CABIN1: variants seen among roughly 807,000 people sequenced by gnomAD.
CABIN1 encodes calcineurin-binding protein cabin-1.
In CABIN1, 133 loss-of-function variants were observed where a neutral mutation model predicts 227.7. The observed-to-expected ratio is 0.58, with a 90% CI of 0.51 to 0.67. The LOEUF (loss-of-function observed/expected upper bound fraction) is 0.67, where lower values mean the gene tolerates loss of function less well. Ranked by LOEUF, CABIN1 falls within the 30% of genes least tolerant of loss-of-function variation. The probability of loss-of-function intolerance (pLI) is 0.00; values close to 1 mark genes in which losing one functional copy is unlikely to be tolerated. For synonymous variants in CABIN1, 1,086 were observed against 1,155.1 expected (o/e 0.94, Z 1.21); for missense variants, 2,408 against 2,852.5 (o/e 0.84, Z 3.55).
chr22:24,131,390 G>T (rs959068646), intron 28 of CABIN1, among the ~76,000 whole-genome samples: 7 of 152,186 alleles, frequency 4.6e-5, no homozygotes, highest in Non-Finnish European at 8.8e-5. Flanking sequence ...TGGAGGAGTG[G>T]TCTGCCACAG....
At chr22:24,047,001 G>T (rs539659064) in intron 6 of CABIN1, among the ~76,000 whole-genome samples, 1 of 152,124 alleles carries the variant, frequency 6.6e-6, no homozygotes, top group Non-Finnish European at 1.5e-5. Context: ...CAACTGATTG[G>T]ATGAGGCCCC....
intron 26 of CABIN1, among the ~76,000 whole-genome samples, chr22:24,099,445 T>A (rs2147420069): frequency 6.6e-6 from 1 of 152,268 alleles, no homozygotes; most frequent in East Asian, 1.9e-4. Context: ...TCTTACCTCC[T>A]GGAAGGTTCA....
At chr22:24,120,941 AC>A (rs1440565234) in intron 28 of CABIN1, among the ~76,000 whole-genome samples, 1 of 152,186 alleles carries the variant, frequency 6.6e-6, no homozygotes, top group Non-Finnish European at 1.5e-5. Context: ...CTGCAAAGAC[AC>A]CTTTTGTGCT....
intron 29 of CABIN1, among the ~76,000 whole-genome samples, chr22:24,143,678 T>G (rs1375349452): frequency 6.6e-6 from 1 of 152,072 alleles, no homozygotes; most frequent in Non-Finnish European, 1.5e-5. Flanking sequence ...GGACCAGCAC[T>G]TATTGGGGGC....
intron 34 of CABIN1, 106 bp downstream of exon 34, chr22:24,172,101 C>A (rs958623586): frequency 2.2e-6 from 3 of 1,356,560 alleles, no homozygotes; most frequent in Non-Finnish European, 3.0e-6. Flanking sequence ...AGTGCCCTCC[C>A]GCCCAGTCGA....
chr22:24,038,776 C>T (rs1428029899), intron 4 of CABIN1, among the ~76,000 whole-genome samples: 3 of 152,160 alleles, frequency 2.0e-5, no homozygotes, highest in African/African-American at 7.2e-5. Context: ...GAAACTGAGG[C>T]TTAGTGAGGT....
At position 24,047,141 on chromosome 22, in the gene CABIN1, A is replaced by G. The variant is rs865957788; in HGVS notation, c.527-1950A>G. 3.3e-5 allele frequency among the ~76,000 whole-genome samples: 5 copies of G among 152,370 alleles called. No individual in the cohort carries two copies. In the South Asian group the frequency reaches 1.0e-3, roughly 32 times the overall value. ...GTCTGGATATGCTGTAGCCCAGTCA[A>G]ATAGACACATACAATTAATCATAAC... On this transcript the variant is annotated intron_variant, in intron 6 of 36. Transcript: ENST00000263119.
intron 1 of CABIN1, among the ~76,000 whole-genome samples, chr22:24,023,122 AG>A (rs2035840492): frequency 6.6e-6 from 1 of 152,206 alleles, no homozygotes; most frequent in African/African-American, 2.4e-5. Flanking sequence ...TTCAGTCTCT[AG>A]GTACCTTGTA....
intron 8 of CABIN1, among the ~76,000 whole-genome samples, chr22:24,052,337 CA>C (rs2038399645): frequency 6.6e-6 from 1 of 151,080 alleles, no homozygotes; most frequent in Non-Finnish European, 1.5e-5. Flanking sequence ...TAGCAGAGGA[CA>C]TGATGCTTTT....
intron 1 of CABIN1, among the ~76,000 whole-genome samples, chr22:24,022,970 A>G (rs537660883): frequency 1.1e-4 from 16 of 152,326 alleles, no homozygotes; most frequent in Admixed American, 5.2e-4. Context: ...TAAGTGAACA[A>G]TTCAGTGGCA....
At position 24,061,627 on chromosome 22, in the gene CABIN1, T is replaced by G. The variant is rs540585843; in HGVS notation, c.1618-320T>G. Among the ~76,000 whole-genome samples the G allele has an allele frequency of 2.6e-5, 4 of 152,298 alleles. No homozygotes were observed. The East Asian group carries it at 7.7e-4, about 29-fold the overall frequency. ...ATGGTATACCAGCTGCCCAGAACTT[T>G]TAAGGGTTGAGTTCTATAATTTGGA... is the stretch of plus-strand genomic sequence containing the variant. On this transcript the variant is annotated intron_variant, in intron 12 of 36. Coordinates refer to ENST00000263119, the MANE Select transcript of CABIN1 (RefSeq NM_012295.4).
chr22:24,042,323 A>C (rs1460318264), intron 5 of CABIN1, among the ~76,000 whole-genome samples: 3 of 152,198 alleles, frequency 2.0e-5, no homozygotes, highest in African/African-American at 4.8e-5. Flanking sequence ...GATTGACAAA[A>C]TATATCAAGA....
intron 20 of CABIN1, among the ~76,000 whole-genome samples, chr22:24,084,127 C>T (rs2040987141): frequency 6.6e-6 from 1 of 152,230 alleles, no homozygotes; most frequent in Admixed American, 6.5e-5. Context: ...CACCCTCTGG[C>T]TCAGCCACGT....
At position 24,178,245 on chromosome 22, in the gene CABIN1, G is replaced by A; in HGVS notation, c.*49G>A. The A allele has an allele frequency of 1.2e-5, 19 of 1,609,092 alleles. No homozygotes were observed. The highest frequency in any genetic ancestry group is 1.5e-5 in the Non-Finnish European group (18 of 1,178,454). ...ACGCCCCAGGGGACCAGCCAGGCCT[G>A]GAATGCCCCCTGGGCAGGACCCTGG... On this transcript the variant is annotated 3_prime_UTR_variant, in exon 37 of 37. Coordinates refer to ENST00000263119, the MANE Select transcript of CABIN1 (RefSeq NM_012295.4).
chr22:24,056,643 C>T (rs1223998958), intron 10 of CABIN1: 1 of 412,036 alleles, frequency 2.4e-6, no homozygotes, highest in South Asian at 2.8e-5. Flanking sequence ...TACAAGACAT[C>T]TATTTGTTGC....
chr22:24,028,001 C>T (rs960688083), intron 1 of CABIN1, among the ~76,000 whole-genome samples: 3 of 151,610 alleles, frequency 2.0e-5, no homozygotes, highest in Non-Finnish European at 4.4e-5. Context: ...TGGTTCCAGA[C>T]CACTGCAATA....
chr22:24,113,810 G>A, intron 27 of CABIN1, 62 bp downstream of exon 27: 2 of 1,587,408 alleles, frequency 1.3e-6, no homozygotes, highest in Non-Finnish European at 8.6e-7. Context: ...TCTGGGCAAA[G>A]CCGAAGGCTT....
intron 29 of CABIN1, among the ~76,000 whole-genome samples, chr22:24,163,984 C>G (rs748470758): frequency 2.0e-5 from 3 of 152,200 alleles, no homozygotes; most frequent in South Asian, 2.1e-4. Context: ...CAGAGCTTCC[C>G]TGCAGCCTGC....
At chr22:24,154,968 G>A (rs1247274541) in intron 29 of CABIN1, among the ~76,000 whole-genome samples, 1 of 152,070 alleles carries the variant, frequency 6.6e-6, no homozygotes, top group South Asian at 2.1e-4. Flanking sequence ...GAGGAACGGC[G>A]CTATGTGATA....
Sources: gnomAD v4.1 joint callset for allele counts (sites outside exome capture counted in the v4.1 genomes callset) on GRCh38, gnomAD v4.1.1 for gene constraint, MANE v1.5 for transcripts, NCBI Gene and HGNC (gene_info 2026-07-23, HGNC 2026-07-21) for gene names.